The following ZNF831 variants were observed in gnomAD, a reference collection of about 807,000 sequenced individuals.
ZNF831 encodes the protein chromosome 20 open reading frame 174.
A neutral mutation model predicts 95.8 loss-of-function variants in ZNF831; 59 were observed. The ratio of observed to expected loss-of-function variants is 0.62; its 90% confidence interval spans 0.50 to 0.77. The LOEUF (loss-of-function observed/expected upper bound fraction) is 0.77, where lower values mean the gene tolerates loss of function less well. Ranked by LOEUF, ZNF831 falls within the 30% of genes least tolerant of loss-of-function variation. The pLI is 0.00. For synonymous variants in ZNF831, 961 were observed against 925.5 expected (o/e 1.04, Z -0.70); for missense variants, 2,205 against 2,164.0 (o/e 1.02, Z -0.38).
rs1202858452 is a variant in ZNF831 at position 59,192,149 on chromosome 20, G to A, written c.1130G>A (p.Gly377Asp). Residue 377 changes from glycine (G) to aspartate (D), a missense_variant, in exon 2 of 6, where the codon GGC (glycine) becomes GAC (aspartate). Coordinates refer to ENST00000371030, the MANE Select transcript of ZNF831 (RefSeq NM_178457.3). This position sits in a 1 kb window ranked among gnomAD's most constrained non-coding sequence, Gnocchi z 5.2. Reference protein sequence around the residue: ...SEHSAESEGEGGPGPGPGVAG... With the variant: ...SEHSAESEGEDGPGPGPGVAG... ...CACAGCGCCGAGTCCGAGGGGGAGG[G>A]CGGCCCGGGCCCGGGGCCAGGGGTC... 5 of 1,560,750 alleles carry A rather than the reference G, an allele frequency of 3.2e-6. No homozygotes were observed. The South Asian group carries it at 6.0e-5, about 19-fold the overall frequency.
At chr20:59,141,849 A>G (rs1351997279) in intron 1 of ZNF831, among the ~76,000 whole-genome samples, 4 of 152,276 alleles carry the variant, frequency 2.6e-5, no homozygotes, top group Admixed American at 6.5e-5. Context: ...TATAACAATT[A>G]TAGTTTAAAA....
intron 4 of ZNF831, among the ~76,000 whole-genome samples, chr20:59,210,084 G>A (rs1342826322): frequency 6.6e-6 from 1 of 152,212 alleles, no homozygotes; most frequent in East Asian, 1.9e-4. Context: ...ACCAACAGAA[G>A]TGGCCTTAAA....
At chr20:59,244,415 C>A (rs141875238) in intron 4 of ZNF831, among the ~76,000 whole-genome samples, 2 of 152,280 alleles carry the variant, frequency 1.3e-5, no homozygotes, top group East Asian at 3.9e-4. Flanking sequence ...ACTGATTTGA[C>A]TTTTAGTTTT....
At chr20:59,125,290 C>T (rs73915973) in intron 1 of ZNF831, among the ~76,000 whole-genome samples, 10,516 of 152,264 alleles carry the variant, frequency 0.069, 778 homozygotes, top group African/African-American at 0.19. Context: ...CTTCTTGATA[C>T]GTGAAATAAT....
At chr20:59,200,833 A>G (rs529900452) in intron 3 of ZNF831, among the ~76,000 whole-genome samples, 1 of 152,036 alleles carries the variant, frequency 6.6e-6, no homozygotes, top group African/African-American at 2.4e-5. Flanking sequence ...CTTATTGCTA[A>G]CTAGTATGCC....
At chr20:59,158,328 T>G (rs559435856) in intron 2 of ZNF831, among the ~76,000 whole-genome samples, 1 of 152,320 alleles carries the variant, frequency 6.6e-6, no homozygotes, top group South Asian at 2.1e-4. Flanking sequence ...TCTCCGTCAA[T>G]GTGACGGGAG....
At position 59,254,935 on chromosome 20, in the gene ZNF831, C is replaced by T. The variant is rs946816404; in HGVS notation, c.*192C>T. Reference sequence around the variant, plus strand: ...CTCAGCCGCAGCGTTCCCCAGCTCCCCTTGGGAGTGCTCTGCTCATCTTCA... The same window carrying T: ...CTCAGCCGCAGCGTTCCCCAGCTCCTCTTGGGAGTGCTCTGCTCATCTTCA... On this transcript the variant is annotated 3_prime_UTR_variant, in exon 6 of 6. Coordinates refer to ENST00000371030, the MANE Select transcript of ZNF831 (RefSeq NM_178457.3). The surrounding 1 kb of genome is among the most constrained non-coding windows in gnomAD (Gnocchi z 4.5). 1 of 680,750 alleles carries T rather than the reference C, an allele frequency of 1.5e-6. No homozygotes were observed. Among genetic ancestry groups the T allele is most frequent in the African/African-American group, 1.8e-5 (1 of 55,528 alleles). 42.2% of individuals were successfully genotyped at this position (680,750 alleles called of 1,614,324 possible).
At chr20:59,201,329 T>G (rs1188798448) in intron 3 of ZNF831, among the ~76,000 whole-genome samples, 1 of 152,194 alleles carries the variant, frequency 6.6e-6, no homozygotes, top group Non-Finnish European at 1.5e-5. Flanking sequence ...AAAAATGGGT[T>G]GTTTTCTTAT....
intron 4 of ZNF831, among the ~76,000 whole-genome samples, chr20:59,218,838 C>A (rs1017722771): frequency 2.0e-5 from 3 of 151,948 alleles, no homozygotes; most frequent in Admixed American, 6.6e-5. Context: ...CATGGTGAAA[C>A]CCCCTCTCTA....
At chr20:59,230,782 A>T (rs1334980459) in intron 4 of ZNF831, among the ~76,000 whole-genome samples, 1 of 152,246 alleles carries the variant, frequency 6.6e-6, no homozygotes, top group East Asian at 1.9e-4. Flanking sequence ...TAGAGCTCAC[A>T]CTGTAACCTT....
In ZNF831 at chr20:59,218,567, G is replaced by A. The variant is rs192890994; in HGVS notation, c.4027+11511G>A. The stretch of plus-strand genomic sequence containing the variant: ...CTCTGGGCAGCTCTGGTCCTGCCCA[G>A]CTGTTCCATGCTTGTGTTAGCGTGA... On this transcript the variant is annotated intron_variant, in intron 4 of 5. Coordinates refer to ENST00000371030, the MANE Select transcript of ZNF831 (RefSeq NM_178457.3). Among the ~76,000 whole-genome samples, 6 of 151,776 alleles carry A rather than the reference G, an allele frequency of 4.0e-5. No individual in the cohort carries two copies. In the East Asian group the frequency reaches 1.2e-3, roughly 29 times the overall value.
chr20:59,160,762 G>A (rs1480983931), upstream of ZNF831: 2 of 151,450 alleles, frequency 1.3e-5, no homozygotes, highest in Non-Finnish European at 2.9e-5. Context: ...GTCTCCCTCG[G>A]ACACACAGGA....
chr20:59,257,155 CT>C lies in ZNF831; in HGVS notation c.*2413del, dbSNP rs1287705484. 6.6e-6 allele frequency: 1 copy of C among 152,226 alleles called. No homozygotes were observed. Among genetic ancestry groups the C allele is most frequent in the African/African-American group, 2.4e-5 (1 of 41,452 alleles). 9.4% of individuals were successfully genotyped at this position (152,226 alleles called of 1,614,324 possible). A position where few individuals can be genotyped will look rare whatever the true frequency, so the allele number is the denominator to read the frequency against. The stretch of plus-strand genomic sequence containing the variant: ...CCGTTGCCAGCTGTCACATCCCAAC[CT>C]AGGTCAAATATGGCGGAATATTGAT... On this transcript the variant is annotated 3_prime_UTR_variant, in exon 6 of 6. Transcript: ENST00000371030.
rs11472424 is a variant in ZNF831, at chr20:59,211,779, T to TTGTGTGTGTGTGTGTGTGTG, written c.4027+4733_4027+4752dup. The stretch of plus-strand genomic sequence containing the variant: ...TGCGTCCTCGGTGAGGGAGCTGACC[T>TTGTGTGTGTGTGTGTGTGTG]TGTGTGTGTGTGTGTGTGTGTGTGT... On this transcript the variant is annotated intron_variant, in intron 4 of 5. Coordinates refer to ENST00000371030, the MANE Select transcript of ZNF831 (RefSeq NM_178457.3). 1.5e-3 allele frequency among the ~76,000 whole-genome samples: 227 copies of TTGTGTGTGTGTGTGTGTGTG among 146,770 alleles called. 4 individuals are homozygous for TTGTGTGTGTGTGTGTGTGTG. The highest frequency in any genetic ancestry group is 5.3e-3 in the African/African-American group (212 of 39,860).
upstream of ZNF831, among the ~76,000 whole-genome samples, chr20:59,163,137 A>T (rs752451610): frequency 7.9e-5 from 12 of 151,882 alleles, no homozygotes; most frequent in African/African-American, 2.9e-4. Flanking sequence ...ATTTTTGTAC[A>T]TTGATTTTTG....
chr20:59,249,286 A>T (rs898256206), intron 4 of ZNF831, among the ~76,000 whole-genome samples: 2 of 151,966 alleles, frequency 1.3e-5, no homozygotes, highest in African/African-American at 4.8e-5. Context: ...GCTTATCATG[A>T]GTCTGTAGTA....
chr20:59,241,239 TAGCAG>T (rs1568791502), intron 4 of ZNF831, among the ~76,000 whole-genome samples: 2 of 152,096 alleles, frequency 1.3e-5, no homozygotes, highest in Non-Finnish European at 2.9e-5. Flanking sequence ...GATCTCTTCA[TAGCAG>T]AGCAGAGCTA....
intron 1 of ZNF831, among the ~76,000 whole-genome samples, chr20:59,142,933 G>A (rs532008889): frequency 1.3e-5 from 2 of 152,236 alleles, no homozygotes; most frequent in South Asian, 2.1e-4. Context: ...GTCTCACTCT[G>A]TTGCCCAGGC....
At chr20:59,153,568 C>T (rs1980368927) in intron 2 of ZNF831, among the ~76,000 whole-genome samples, 1 of 152,222 alleles carries the variant, frequency 6.6e-6, no homozygotes, top group Non-Finnish European at 1.5e-5. Flanking sequence ...GATTGGAAGG[C>T]TGGACGGACA....
Sources: allele counts gnomAD v4.1 joint callset (sites outside exome capture counted in the v4.1 genomes callset), GRCh38; gene constraint gnomAD v4.1.1; non-coding constraint Gnocchi (gnomAD v3.1); transcripts MANE v1.5; gene names NCBI Gene and HGNC (gene_info 2026-07-23, HGNC 2026-07-21).